Variants in CCNYL1 observed in about 807,000 individuals in gnomAD.
CCNYL1 encodes the protein cyclin Y like 1, also known as cyclin-Y-like protein 1.
CCNYL1 carries 16 observed loss-of-function variants against 44.2 expected under a neutral mutation model. That is an observed-to-expected ratio of 0.36 (90% CI 0.25 to 0.55). The LOEUF (loss-of-function observed/expected upper bound fraction) is 0.55. CCNYL1 is among the 20% of genes least tolerant of loss of function. CCNYL1 has a pLI of 0.85. For synonymous variants in CCNYL1, 159 were observed against 163.2 expected (o/e 0.97, Z 0.20); for missense variants, 348 against 451.8 (o/e 0.77, Z 2.08).
At chr2:207,723,747 C>T (rs927465376) in intron 1 of CCNYL1, among the ~76,000 whole-genome samples, 10 of 151,890 alleles carry the variant, frequency 6.6e-5, no homozygotes, top group African/African-American at 2.4e-4. Context: ...TGGTGGCAGG[C>T]ACCTGTAATC....
In CCNYL1 at chr2:207,711,789, C is replaced by T. The variant is rs1320271376; in HGVS notation, c.-108C>T. The T allele has an allele frequency of 1.4e-6, 1 of 707,256 alleles. No homozygotes were observed. The highest frequency in any genetic ancestry group is 4.1e-5 in the South Asian group (1 of 24,536). 43.8% of individuals were successfully genotyped at this position (707,256 alleles called of 1,614,324 possible). On this transcript the variant is annotated 5_prime_UTR_variant, in exon 1 of 10. Coordinates refer to ENST00000295414, the MANE Select transcript of CCNYL1 (RefSeq NM_001330218.2). ...TGCGCGGTGCAGCCCCAGCGTAGCC[C>T]GGGGCTGCCGGTGCCGGCCGCGCCA... is the stretch of plus-strand genomic sequence containing the variant.
chr2:207,714,312 C>CTTT lies in CCNYL1; in HGVS notation c.220+2220_220+2222dup, dbSNP rs60004559. On this transcript the variant is annotated intron_variant, in intron 1 of 9. Coordinates refer to ENST00000295414, the MANE Select transcript of CCNYL1 (RefSeq NM_001330218.2). ...CGATTCAGAGGCAACACTTACATCT[C>CTTT]TTTTTTTTTTTTTTTTTTTTTTTTT... 3.7e-3 allele frequency: 1,157 copies of CTTT among 309,592 alleles called. 2 individuals carry two copies. The highest frequency in any genetic ancestry group is 5.7e-3 in the Middle Eastern group (5 of 878). The allele number at this position is 309,592 out of a possible 1,614,324, so 19.2% of individuals were successfully genotyped here.
Position 207,712,107 on chromosome 2 carries a change from AT to A in CCNYL1, c.212del (p.Met71SerfsTer5). 4 of 1,599,690 alleles carry A rather than the reference AT, an allele frequency of 2.5e-6. No individual in the cohort carries two copies. The highest frequency in any genetic ancestry group is 3.4e-6 in the Non-Finnish European group (4 of 1,174,154). On this transcript the variant is annotated frameshift_variant, in exon 1 of 10. Transcript: ENST00000295414. LOFTEE classifies it high-confidence loss of function. ...HHLQHISDRE[M>X]PEDLALESNP... ...CCTGCAGCACATCAGCGACCGCGAG[AT>A]GCCCGAAGGTAAGGAGGCGGCGGAT... is the stretch of plus-strand genomic sequence containing the variant.
chr2:207,714,505 G>A, intron 1 of CCNYL1: 1 of 308,360 alleles, frequency 3.2e-6, no homozygotes, highest in Non-Finnish European at 6.4e-6. Context: ...AAGAATAAAA[G>A]TAGAGGTAAC....
intron 3 of CCNYL1, among the ~76,000 whole-genome samples, chr2:207,727,752 GT>G (rs1031018383): frequency 5.9e-5 from 9 of 151,992 alleles, no homozygotes; most frequent in Admixed American, 4.6e-4. Context: ...TTCTGTGCCT[GT>G]TTTCCTGGGA....
chr2:207,729,993 G>A (rs1233367495), intron 3 of CCNYL1, among the ~76,000 whole-genome samples: 1 of 152,108 alleles, frequency 6.6e-6, no homozygotes, highest in Non-Finnish European at 1.5e-5. Context: ...GATTACAGGT[G>A]TGAGTCACTG....
At chr2:207,726,940 C>A in intron 3 of CCNYL1, 64 bp downstream of exon 3, 1 of 1,199,274 alleles carries the variant, frequency 8.3e-7, no homozygotes, top group South Asian at 1.7e-5. Context: ...TGTCATGATT[C>A]CATAAAAATA....
intron 8 of CCNYL1, among the ~76,000 whole-genome samples, chr2:207,748,062 A>T (rs999619264): frequency 1.3e-5 from 2 of 152,188 alleles, no homozygotes; most frequent in African/African-American, 4.8e-5. Context: ...CGTAGCTTCA[A>T]CCTGAGTCAC....
chr2:207,741,500 A>G (rs2091809422), intron 6 of CCNYL1, among the ~76,000 whole-genome samples: 1 of 152,220 alleles, frequency 6.6e-6, no homozygotes. Flanking sequence ...TCACTCAACC[A>G]GAATTATTTT....
intron 4 of CCNYL1, among the ~76,000 whole-genome samples, chr2:207,735,002 C>T (rs1222130326): frequency 6.6e-6 from 1 of 152,116 alleles, no homozygotes; most frequent in Non-Finnish European, 1.5e-5. Flanking sequence ...GTTAAAAAAC[C>T]ACTCCACTTT....
chr2:207,741,622 A>G (rs932596068), intron 6 of CCNYL1, among the ~76,000 whole-genome samples: 2 of 151,932 alleles, frequency 1.3e-5, no homozygotes, highest in Non-Finnish European at 2.9e-5. Context: ...CGAGGTGGGC[A>G]GATCATGAGG....
intron 7 of CCNYL1, among the ~76,000 whole-genome samples, chr2:207,743,067 A>G (rs1383371786): frequency 6.6e-5 from 10 of 152,236 alleles, no homozygotes; most frequent in Admixed American, 6.5e-4. Flanking sequence ...CTGGAGGGAA[A>G]GAATACTTAG....
chr2:207,744,454 C>T (rs148784299), intron 7 of CCNYL1, among the ~76,000 whole-genome samples: 171 of 152,204 alleles, frequency 1.1e-3, no homozygotes, highest in African/African-American at 3.9e-3. Flanking sequence ...GCAACCTCCA[C>T]CTCCCAGGTT....
intron 7 of CCNYL1, among the ~76,000 whole-genome samples, chr2:207,743,791 G>A (rs1318338808): frequency 1.3e-5 from 2 of 151,788 alleles, no homozygotes; most frequent in East Asian, 3.9e-4. Flanking sequence ...TGCCTACTCT[G>A]TGCCACTATT....
Position 207,742,294 on chromosome 2 carries a change from T to G in CCNYL1, c.591T>G (p.Thr197=), listed in dbSNP as rs1477494128. ...EHKFIYRFVR[T]LFSAAQLTAE... ...AATTTATTTACAGATTTGTTCGTAC[T>G]CTTTTTAGTGCTGCACAGCTAACAG... Residue 197 remains threonine (T), a synonymous_variant, in exon 7 of 10, where the codon ACT becomes ACG. Coordinates refer to ENST00000295414, the MANE Select transcript of CCNYL1 (RefSeq NM_001330218.2). 3 of 1,613,530 alleles carry G rather than the reference T, an allele frequency of 1.9e-6. No individual in the cohort carries two copies. In the South Asian group the frequency reaches 3.3e-5, roughly 18 times the overall value.
chr2:207,718,039 G>A (rs1034418237), intron 1 of CCNYL1, among the ~76,000 whole-genome samples: 5 of 151,330 alleles, frequency 3.3e-5, no homozygotes, highest in Non-Finnish European at 4.4e-5. Flanking sequence ...CGAGTAGCTG[G>A]GGCTACAAGC....
chr2:207,747,073 T>C lies in CCNYL1; in HGVS notation c.666T>C (p.Tyr222=), dbSNP rs77424120. Residue 222 remains tyrosine, a synonymous_variant, in exon 8 of 10, where the codon TAT becomes TAC. Transcript: ENST00000295414. Reference sequence around the variant, plus strand: ...TTTACTTAGAAAGGCTTTTAACTTATGCTGAAATCGACATTTGTCCCACCA... The same window carrying C: ...TTTACTTAGAAAGGCTTTTAACTTACGCTGAAATCGACATTTGTCCCACCA... The part of the protein sequence containing the change: ...TLVYLERLLT[Y]AEIDICPTNW... The C allele has an allele frequency of 9.7e-4, 1,563 of 1,614,142 alleles. 18 individuals carry two copies. The African/African-American group carries it at 0.018, about 19-fold the overall frequency.
chr2:207,748,277 G>A (rs571521454), intron 8 of CCNYL1, among the ~76,000 whole-genome samples: 7 of 152,242 alleles, frequency 4.6e-5, no homozygotes, highest in African/African-American at 9.6e-5. Context: ...ATCATCCAAC[G>A]CTCACCACAC....
chr2:207,714,344 A>T (rs751538559), intron 1 of CCNYL1: 1 of 407,654 alleles, frequency 2.5e-6, no homozygotes, highest in South Asian at 1.8e-5. Flanking sequence ...TTTTTAAGAG[A>T]AAGAGTCTCA....
Sources: allele counts gnomAD v4.1 joint callset (sites outside exome capture counted in the v4.1 genomes callset), GRCh38; gene constraint gnomAD v4.1.1; transcripts MANE v1.5; gene names NCBI Gene and HGNC (gene_info 2026-07-23, HGNC 2026-07-21).